The following CDH13 variants were observed in gnomAD, a reference collection of about 807,000 sequenced individuals.
CDH13 encodes the protein cadherin-13.
In CDH13, 24 loss-of-function variants were observed where a neutral mutation model predicts 63.8. The observed-to-expected ratio is 0.38, with a 90% CI of 0.27 to 0.53. The LOEUF is 0.53. CDH13 is among the 20% of genes least tolerant of loss of function. CDH13 has a pLI of 0.85. For synonymous variants in CDH13, 503 were observed against 355.3 expected (o/e 1.42, Z -4.67); for missense variants, 1,049 against 903.1 (o/e 1.16, Z -2.07).
At chr16:82,880,787 G>C (rs955118464) in intron 2 of CDH13, among the ~76,000 whole-genome samples, 1 of 152,276 alleles carries the variant, frequency 6.6e-6, no homozygotes, top group South Asian at 2.1e-4. Flanking sequence ...GTCAACTCTA[G>C]TTTTATGATA....
At chr16:83,106,540 CAAACA>C (rs1017345730) in intron 3 of CDH13, among the ~76,000 whole-genome samples, 1 of 152,130 alleles carries the variant, frequency 6.6e-6, no homozygotes, top group Non-Finnish European at 1.5e-5. Flanking sequence ...GACTCCACCT[CAAACA>C]AAACAAAACA....
chr16:83,054,973 G>C (rs553713395), intron 3 of CDH13, among the ~76,000 whole-genome samples: 1 of 152,030 alleles, frequency 6.6e-6, no homozygotes, highest in South Asian at 2.1e-4. Context: ...TCAAAAGATA[G>C]AAATCATACA....
chr16:83,651,734 T>C (rs1912399644), intron 8 of CDH13, among the ~76,000 whole-genome samples: 1 of 151,642 alleles, frequency 6.6e-6, no homozygotes. Flanking sequence ...TAGCTGGGAT[T>C]ACAGGCGCCC....
intron 1 of CDH13, among the ~76,000 whole-genome samples, chr16:82,782,090 C>A (rs1202709113): frequency 6.6e-6 from 1 of 152,112 alleles, no homozygotes; most frequent in Non-Finnish European, 1.5e-5. Flanking sequence ...TCCTAAAGTG[C>A]CCATTTGTTG....
rs1488493634 is a variant in CDH13, at chr16:83,217,366, G to A, written c.505G>A (p.Glu169Lys). The change falls in exon 5 of 14, where the codon GAA becomes AAA. Residue 169 changes from glutamate to lysine, a missense_variant. Glu to Lys is a moderately conservative substitution (Grantham distance 56, BLOSUM62 1). Transcript: ENST00000567109. The part of the protein sequence containing the change: ...VGKVVDSDRP[E>K]RSKFRLTGKG... ...CTAGGTAGTCGATAGTGACAGGCCAGAAAGGTCCAAGTTCCGGCTCACTGG... is the reference window on the plus strand; with the variant it reads ...CTAGGTAGTCGATAGTGACAGGCCAAAAAGGTCCAAGTTCCGGCTCACTGG... 1.2e-5 allele frequency: 19 copies of A among 1,613,968 alleles called. No homozygotes were observed. Among genetic ancestry groups the A allele is most frequent in the Non-Finnish European group, 1.6e-5 (19 of 1,179,872 alleles).
intron 1 of CDH13, among the ~76,000 whole-genome samples, chr16:82,847,654 T>C (rs1272694620): frequency 6.6e-6 from 1 of 152,216 alleles, no homozygotes; most frequent in African/African-American, 2.4e-5. Flanking sequence ...ATCTAACATA[T>C]TCACAGGTCC....
At chr16:83,483,842 G>C (rs1233601357) in intron 6 of CDH13, among the ~76,000 whole-genome samples, 2 of 152,166 alleles carry the variant, frequency 1.3e-5, no homozygotes, top group African/African-American at 4.8e-5. Context: ...TCCATAGACT[G>C]TGAGTGGCTG....
chr16:83,191,530 C>CATATATATATATATAT (rs71376303), intron 4 of CDH13, among the ~76,000 whole-genome samples: 24 of 74,360 alleles, frequency 3.2e-4, no homozygotes, highest in East Asian at 1.5e-3. Context: ...CACACACACA[C>CATATATATATATATAT]ATATATATAT....
intron 1 of CDH13, among the ~76,000 whole-genome samples, chr16:82,777,332 T>G (rs2035545329): frequency 6.6e-6 from 1 of 152,234 alleles, no homozygotes; most frequent in South Asian, 2.1e-4. Context: ...AGACTTGATG[T>G]GAGTCAGATA....
intron 6 of CDH13, among the ~76,000 whole-genome samples, chr16:83,486,228 A>T (rs2073885827): frequency 6.6e-6 from 1 of 152,216 alleles, no homozygotes; most frequent in Non-Finnish European, 1.5e-5. Context: ...AGAGGGAAAA[A>T]TTAAGCAGTC....
chr16:83,196,574 C>T (rs1223449376), intron 4 of CDH13, among the ~76,000 whole-genome samples: 1 of 152,072 alleles, frequency 6.6e-6, no homozygotes, highest in Admixed American at 6.6e-5. Flanking sequence ...AGAAAGAACT[C>T]TCTAAACTCA....
At chr16:82,673,453 G>T (rs894529572) in intron 1 of CDH13, among the ~76,000 whole-genome samples, 1 of 152,134 alleles carries the variant, frequency 6.6e-6, no homozygotes, top group Non-Finnish European at 1.5e-5. Flanking sequence ...CACAACAAAC[G>T]TTTATTGAGC....
intron 5 of CDH13, among the ~76,000 whole-genome samples, chr16:83,269,147 T>C (rs1417307539): frequency 2.0e-5 from 3 of 152,244 alleles, no homozygotes; most frequent in African/African-American, 7.2e-5. Context: ...TTTTCTCTCC[T>C]AGTTTTTGGA....
chr16:83,462,263 G>A (rs1056431827), intron 6 of CDH13, among the ~76,000 whole-genome samples: 4 of 152,232 alleles, frequency 2.6e-5, no homozygotes, highest in Admixed American at 6.5e-5. Flanking sequence ...AAGCAATGCT[G>A]TGGCTCCATT....
intron 1 of CDH13, among the ~76,000 whole-genome samples, chr16:82,836,617 A>G (rs2038778687): frequency 6.6e-6 from 1 of 152,154 alleles, no homozygotes; most frequent in African/African-American, 2.4e-5. Flanking sequence ...TTCTGGTATA[A>G]TGGAAATGAC....
chr16:83,108,855 A>T (rs2034915134), intron 3 of CDH13, among the ~76,000 whole-genome samples: 1 of 152,102 alleles, frequency 6.6e-6, no homozygotes, highest in Admixed American at 6.5e-5. Context: ...GCTGGGATAT[A>T]AATCCCCCAG....
At chr16:83,039,381 G>A (rs1049570069) in intron 3 of CDH13, among the ~76,000 whole-genome samples, 17 of 152,074 alleles carry the variant, frequency 1.1e-4, no homozygotes, top group Admixed American at 3.9e-4. Flanking sequence ...CTTGACCTGC[G>A]GAATTGTCAC....
chr16:83,201,694 G>T (rs1046156217), intron 4 of CDH13, among the ~76,000 whole-genome samples: 1 of 151,416 alleles, frequency 6.6e-6, no homozygotes, highest in African/African-American at 2.4e-5. Context: ...TCAGGAGATC[G>T]AGACCATCCC....
At chr16:82,861,754 C>T (rs2039955270) in intron 2 of CDH13, among the ~76,000 whole-genome samples, 1 of 152,174 alleles carries the variant, frequency 6.6e-6, no homozygotes, top group South Asian at 2.1e-4. Context: ...ACTCTCCTTT[C>T]CACTAACTGG....
Sources: gnomAD v4.1 joint callset for allele counts (sites outside exome capture counted in the v4.1 genomes callset) on GRCh38, gnomAD v4.1.1 for gene constraint, MANE v1.5 for transcripts, NCBI Gene and HGNC (gene_info 2026-07-23, HGNC 2026-07-21) for gene names.